ARK2C: variants seen among roughly 807,000 people sequenced by gnomAD.
ARK2C encodes arkadia (RNF111) C-terminal like ring finger ubiquitin ligase 2C.
At chr18:46,403,197 G>A in the ARK2C span, among the ~76,000 whole-genome samples, 2 of 152,228 alleles carry the variant, frequency 1.3e-5, no homozygotes, top group African/African-American at 4.8e-5. Context: ...GAATTCCAGA[G>A]TGTGCCAGAG....
At chr18:46,432,894 G>T in the ARK2C span, among the ~76,000 whole-genome samples, 1 of 152,300 alleles carries the variant, frequency 6.6e-6, no homozygotes, top group East Asian at 1.9e-4. Context: ...GCAGTGAGCC[G>T]AGATCGCGCC....
chr18:46,341,692 C>A, the ARK2C span, among the ~76,000 whole-genome samples: 1 of 152,276 alleles, frequency 6.6e-6, no homozygotes, highest in South Asian at 2.1e-4. Context: ...TTGTCCCCCC[C>A]AGACTCTCTG....
chr18:46,415,040 T>A, the ARK2C span, among the ~76,000 whole-genome samples: 1 of 152,024 alleles, frequency 6.6e-6, no homozygotes, highest in Non-Finnish European at 1.5e-5. Context: ...GCCCAGGAAA[T>A]GGGCAGGGGA....
At chr18:46,406,922 G>A in the ARK2C span, among the ~76,000 whole-genome samples, 1 of 152,180 alleles carries the variant, frequency 6.6e-6, no homozygotes. Flanking sequence ...GATAGGGTAG[G>A]GAAAGGGTGG....
At chr18:46,413,011 G>A in the ARK2C span, among the ~76,000 whole-genome samples, 50 of 152,272 alleles carry the variant, frequency 3.3e-4, no homozygotes, top group East Asian at 7.7e-4. Flanking sequence ...CCCCCTCTCC[G>A]AGAAGCTGGA....
At chr18:46,334,264 G>T in the ARK2C span, 17 of 1,491,566 alleles carry the variant, frequency 1.1e-5, no homozygotes, top group Admixed American at 4.2e-5. The surrounding 1 kb of genome is among the most constrained non-coding windows in gnomAD (Gnocchi z 4.4). Context: ...GCCGCCGCGC[G>T]AGGAGCCAGG....
At chr18:46,430,002 G>A in the ARK2C span, among the ~76,000 whole-genome samples, 3 of 152,180 alleles carry the variant, frequency 2.0e-5, no homozygotes, top group South Asian at 4.2e-4. Flanking sequence ...CAGAGTCCCC[G>A]CCCTCCTGCT....
At chr18:46,359,108 A>T in the ARK2C span, among the ~76,000 whole-genome samples, 8 of 152,210 alleles carry the variant, frequency 5.3e-5, no homozygotes, top group Admixed American at 5.2e-4. Flanking sequence ...CACTTCCTTC[A>T]TAGGGCTCCC....
At chr18:46,415,286 C>T in the ARK2C span, among the ~76,000 whole-genome samples, 17 of 152,122 alleles carry the variant, frequency 1.1e-4, no homozygotes, top group Non-Finnish European at 1.3e-4. Context: ...TTTGGGAGGC[C>T]GAGGTGGGCG....
the ARK2C span, among the ~76,000 whole-genome samples, chr18:46,357,752 C>G: frequency 6.6e-6 from 1 of 152,228 alleles, no homozygotes; most frequent in African/African-American, 2.4e-5. Context: ...TCTGTGGCTG[C>G]TGTGACAAAA....
the ARK2C span, among the ~76,000 whole-genome samples, chr18:46,437,479 A>G: frequency 6.6e-6 from 1 of 152,092 alleles, no homozygotes; most frequent in African/African-American, 2.4e-5. Context: ...TATCCCCTTT[A>G]GAGAACCATC....
the ARK2C span, among the ~76,000 whole-genome samples, chr18:46,410,494 T>C: frequency 6.6e-6 from 1 of 152,222 alleles, no homozygotes; most frequent in African/African-American, 2.4e-5. Flanking sequence ...CATCCAGGGT[T>C]GCACTGACAG....
At chr18:46,433,434 C>T in the ARK2C span, 1 of 1,613,426 alleles carries the variant, frequency 6.2e-7, no homozygotes, top group Non-Finnish European at 8.5e-7. Context: ...TACCTCAGGC[C>T]CTGCACCAGC....
the ARK2C span, among the ~76,000 whole-genome samples, chr18:46,434,280 T>C: frequency 3.9e-5 from 6 of 152,210 alleles, no homozygotes; most frequent in Non-Finnish European, 7.3e-5. Context: ...GTTTTGACTA[T>C]TGATGTTTAC....
the ARK2C span, among the ~76,000 whole-genome samples, chr18:46,360,988 G>A: frequency 1.3e-5 from 2 of 152,352 alleles, no homozygotes; most frequent in South Asian, 2.1e-4. Context: ...GCACTTGAAG[G>A]AACTGAAACA....
At chr18:46,429,832 C>G in the ARK2C span, among the ~76,000 whole-genome samples, 1 of 152,016 alleles carries the variant, frequency 6.6e-6, no homozygotes, top group East Asian at 1.9e-4. Flanking sequence ...GTCTTGAACC[C>G]CTGACCTCAA....
the ARK2C span, chr18:46,386,933 T>A: frequency 1.3e-5 from 2 of 152,342 alleles, no homozygotes; most frequent in Non-Finnish European, 2.9e-5. Flanking sequence ...GAGGAGCAGC[T>A]ACTCCTTTTG....
chr18:46,421,573 G>A, the ARK2C span, among the ~76,000 whole-genome samples: 67 of 152,270 alleles, frequency 4.4e-4, no homozygotes, highest in African/African-American at 1.6e-3. Context: ...GTTTAGATGG[G>A]GAAAGTATCT....
chr18:46,355,852 C>T, the ARK2C span, among the ~76,000 whole-genome samples: 1 of 152,234 alleles, frequency 6.6e-6, no homozygotes, highest in Non-Finnish European at 1.5e-5. Context: ...CCTTAAATAT[C>T]CAGTATGGCC....
Sources: allele counts gnomAD v4.1 joint callset (sites outside exome capture counted in the v4.1 genomes callset), GRCh38; gene constraint gnomAD v4.1.1; non-coding constraint Gnocchi (gnomAD v3.1); transcripts MANE v1.5; gene names NCBI Gene and HGNC (gene_info 2026-07-23, HGNC 2026-07-21).